SOCS5: variants seen among roughly 807,000 people sequenced by gnomAD.
SOCS5 encodes suppressor of cytokine signaling 5.
Under a neutral mutation model 42.8 loss-of-function variants are expected in SOCS5, and 32 were observed. That is an observed-to-expected ratio of 0.75 (90% CI 0.56 to 1.01). SOCS5 has a LOEUF of 1.01. SOCS5 is among the 50% of genes least tolerant of loss of function. The pLI, the probability that SOCS5 is intolerant of heterozygous loss-of-function variation, is 0.00. For synonymous variants in SOCS5, 283 were observed against 229.6 expected (o/e 1.23, Z -2.10); for missense variants, 627 against 653.0 (o/e 0.96, Z 0.43).
At chr2:46,737,124 G>A (rs1673270814) in intron 1 of SOCS5, among the ~76,000 whole-genome samples, 1 of 152,130 alleles carries the variant, frequency 6.6e-6, no homozygotes, top group Admixed American at 6.5e-5. Context: ...CTTCTGAAAT[G>A]TAAACTAAGA....
At chr2:46,699,002 G>C (rs1172654260), upstream of SOCS5, 2 of 152,396 alleles carry the variant, frequency 1.3e-5, no homozygotes, top group Non-Finnish European at 2.9e-5. This position sits in a 1 kb window ranked among gnomAD's most constrained non-coding sequence, Gnocchi z 4.8. Flanking sequence ...CCGACTCCCG[G>C]GCCGCCCCCG....
chr2:46,748,115 C>G (rs76919158), intron 1 of SOCS5, among the ~76,000 whole-genome samples: 3,049 of 152,108 alleles, frequency 0.02, 47 homozygotes, highest in Non-Finnish European at 0.026. Flanking sequence ...CTTTACTTCT[C>G]CCGATACCCT....
rs1291720298 is a variant in SOCS5, at chr2:46,711,973, C to T, written c.-13+12524C>T. Reference sequence around the variant, plus strand: ...CCACTATGACACTGTCTTGATTTACCATAGCATTAAGTCTTGAAATAAGGT... The same window carrying T: ...CCACTATGACACTGTCTTGATTTACTATAGCATTAAGTCTTGAAATAAGGT... On this transcript the variant is annotated intron_variant, in intron 1 of 1. Transcript: ENST00000394861. Among the ~76,000 whole-genome samples, 4 of 152,252 alleles carry T rather than the reference C, an allele frequency of 2.6e-5. No individual in the cohort carries two copies. The East Asian group carries it at 5.8e-4, about 22-fold the overall frequency.
At chr2:46,707,498 G>A (rs1234621222) in intron 1 of SOCS5, among the ~76,000 whole-genome samples, 2 of 152,216 alleles carry the variant, frequency 1.3e-5, no homozygotes. Context: ...GACATAGAGT[G>A]TTTAAGGAGG....
intron 1 of SOCS5, among the ~76,000 whole-genome samples, chr2:46,709,721 G>A (rs1258878149): frequency 6.6e-6 from 1 of 152,168 alleles, no homozygotes; most frequent in Non-Finnish European, 1.5e-5. Flanking sequence ...ATTTGGAATT[G>A]CAACTCCCTA....
chr2:46,742,761 G>A (rs1673406862), intron 1 of SOCS5, among the ~76,000 whole-genome samples: 1 of 152,030 alleles, frequency 6.6e-6, no homozygotes, highest in African/African-American at 2.4e-5. Flanking sequence ...TGCCTCCCAG[G>A]TTTAAGCGAT....
At chr2:46,754,759 T>G (rs1382612253) in intron 1 of SOCS5, among the ~76,000 whole-genome samples, 1 of 152,182 alleles carries the variant, frequency 6.6e-6, no homozygotes, top group African/African-American at 2.4e-5. Context: ...GCCATCCAAT[T>G]AGATAATAAT....
At chr2:46,735,758 T>A (rs934380854) in intron 1 of SOCS5, among the ~76,000 whole-genome samples, 5 of 152,132 alleles carry the variant, frequency 3.3e-5, no homozygotes, top group African/African-American at 9.7e-5. Flanking sequence ...AATACCCATG[T>A]GTACAAAGAT....
At chr2:46,753,767 C>A (rs1419043679) in intron 1 of SOCS5, among the ~76,000 whole-genome samples, 1 of 152,078 alleles carries the variant, frequency 6.6e-6, no homozygotes. Flanking sequence ...AAGGGGTGGG[C>A]AATTCCTGGA....
intron 1 of SOCS5, among the ~76,000 whole-genome samples, chr2:46,704,878 A>AG (rs1391511684): frequency 6.6e-6 from 1 of 152,180 alleles, no homozygotes; most frequent in Non-Finnish European, 1.5e-5. Flanking sequence ...TTGATACTCC[A>AG]GGGAAATCAG....
intron 1 of SOCS5, among the ~76,000 whole-genome samples, chr2:46,712,336 C>CTT (rs70940636): frequency 0.029 from 1,896 of 65,140 alleles, 38 homozygotes; most frequent in Middle Eastern, 0.048. Flanking sequence ...GGATGTTTAG[C>CTT]TTTTTTTTTT....
chr2:46,703,433 A>G (rs1672390150), intron 1 of SOCS5, among the ~76,000 whole-genome samples: 1 of 152,132 alleles, frequency 6.6e-6, no homozygotes, highest in South Asian at 2.1e-4. Context: ...TAACTCTCAT[A>G]ATAAGGATTA....
In SOCS5 at chr2:46,761,321, C is replaced by T. The variant is rs1558416066; in HGVS notation, c.*1180C>T. ...AGTTCTAGTGTTTGCTTCTTAGTAA[C>T]TGAACTGAATTTACAGTTCTGTCCT... On this transcript the variant is annotated 3_prime_UTR_variant, in exon 2 of 2. Coordinates refer to ENST00000394861, the MANE Select transcript of SOCS5 (RefSeq NM_144949.3). The T allele has an allele frequency of 6.0e-6, 1 of 167,072 alleles. No individual in the cohort carries two copies. Among genetic ancestry groups the T allele is most frequent in the Non-Finnish European group, 1.5e-5 (1 of 68,106 alleles). The allele number at this position is 167,072 out of a possible 1,614,324, so 10.3% of individuals were successfully genotyped here.
chr2:46,715,898 A>G (rs1164522098), intron 1 of SOCS5, among the ~76,000 whole-genome samples: 2 of 152,142 alleles, frequency 1.3e-5, no homozygotes, highest in South Asian at 2.1e-4. Context: ...TCTTTCTCCT[A>G]CAGACTCTAA....
At chr2:46,742,545 GA>G (rs1408941411) in intron 1 of SOCS5, among the ~76,000 whole-genome samples, 1 of 151,994 alleles carries the variant, frequency 6.6e-6, no homozygotes, top group African/African-American at 2.4e-5. Context: ...TTGATATACA[GA>G]AATCTTAAAT....
chr2:46,748,124 C>A (rs529939474), intron 1 of SOCS5, among the ~76,000 whole-genome samples: 1 of 151,988 alleles, frequency 6.6e-6, no homozygotes, highest in African/African-American at 2.4e-5. Context: ...TCCCGATACC[C>A]TTCTCAAATA....
intron 1 of SOCS5, among the ~76,000 whole-genome samples, chr2:46,704,943 A>G (rs1201881472): frequency 6.6e-6 from 1 of 152,132 alleles, no homozygotes; most frequent in African/African-American, 2.4e-5. Context: ...ACTGGGGAGA[A>G]GAGAAGGGCC....
chr2:46,761,867 CAG>C lies in SOCS5; in HGVS notation c.*1730_*1731del, dbSNP rs1378046954. On this transcript the variant is annotated 3_prime_UTR_variant, in exon 2 of 2. Transcript: ENST00000394861. Reference sequence around the variant, plus strand: ...AGTTTAGGTTATAACAGAAAACTGACAGAGAAGTAATAAACCTATTGATTTCT... The same window carrying C: ...AGTTTAGGTTATAACAGAAAACTGACAGAAGTAATAAACCTATTGATTTCT... 2 of 166,892 alleles carry C rather than the reference CAG, an allele frequency of 1.2e-5. No individual in the cohort carries two copies. Among genetic ancestry groups the C allele is most frequent in the East Asian group, 1.9e-4 (1 of 5,190 alleles). The allele number at this position is 166,892 out of a possible 1,614,324, so 10.3% of individuals were successfully genotyped here.
At chr2:46,738,688 C>G in intron 1 of SOCS5, among the ~76,000 whole-genome samples, 1 of 152,100 alleles carries the variant, frequency 6.6e-6, no homozygotes, top group Admixed American at 6.6e-5. Context: ...TTGTTTATAA[C>G]TGTAAAGGTA....
Sources: gnomAD v4.1 joint callset for allele counts (sites outside exome capture counted in the v4.1 genomes callset) on GRCh38, gnomAD v4.1.1 for gene constraint, Gnocchi (gnomAD v3.1) non-coding constraint, MANE v1.5 for transcripts, NCBI Gene and HGNC (gene_info 2026-07-23, HGNC 2026-07-21) for gene names.